PCDH15: variants seen among roughly 807,000 people sequenced by gnomAD.
PCDH15 encodes the protein protocadherin related 15.
In PCDH15, 129 loss-of-function variants were observed where a neutral mutation model predicts 178.5. That is an observed-to-expected ratio of 0.72 (90% CI 0.63 to 0.84). The LOEUF (loss-of-function observed/expected upper bound fraction) is 0.84. Among genes scored for constraint, PCDH15 ranks in the 40% least tolerant of loss-of-function variants. The pLI, the probability that PCDH15 is intolerant of heterozygous loss-of-function variation, is 0.00. For synonymous variants in PCDH15, 800 were observed against 732.0 expected (o/e 1.09, Z -1.50); for missense variants, 2,230 against 2,099.9 (o/e 1.06, Z -1.21).
At chr10:54,815,138 A>T (rs901310706) in intron 3 of PCDH15, among the ~76,000 whole-genome samples, 1 of 141,376 alleles carries the variant, frequency 7.1e-6, no homozygotes, top group Non-Finnish European at 1.5e-5. Flanking sequence ...TTCAATAAAT[A>T]TGTTGGTTTT....
intron 3 of PCDH15, among the ~76,000 whole-genome samples, chr10:54,455,702 G>A (rs553485968): frequency 1.3e-5 from 2 of 152,228 alleles, no homozygotes; most frequent in African/African-American, 4.8e-5. Flanking sequence ...AAGCCAATAG[G>A]GAAAATGTCT....
intron 2 of PCDH15, among the ~76,000 whole-genome samples, chr10:55,593,782 A>T (rs1268582104): frequency 2.6e-5 from 4 of 151,792 alleles, no homozygotes; most frequent in Non-Finnish European, 5.9e-5. Context: ...GATTAAGAAA[A>T]TACTTTTCTA....
chr10:54,617,074 T>TC (rs2093185607), intron 2 of PCDH15, among the ~76,000 whole-genome samples: 1 of 151,814 alleles, frequency 6.6e-6, no homozygotes. Flanking sequence ...ATTTATTTTT[T>TC]TAAGTAGAGA....
intron 3 of PCDH15, among the ~76,000 whole-genome samples, chr10:54,382,942 G>A (rs377471927): frequency 4.5e-4 from 68 of 152,118 alleles, no homozygotes; most frequent in African/African-American, 1.4e-3. Context: ...AATCTTGGCC[G>A]CACACTATTA....
chr10:55,569,288 T>C (rs1842361624), intron 2 of PCDH15, among the ~76,000 whole-genome samples: 1 of 152,000 alleles, frequency 6.6e-6, no homozygotes, highest in East Asian at 1.9e-4. Flanking sequence ...TTCAAAAGTA[T>C]CAAACAAGAT....
chr10:54,227,593 G>A (rs1376907124), intron 9 of PCDH15, among the ~76,000 whole-genome samples: 1 of 152,164 alleles, frequency 6.6e-6, no homozygotes, highest in Non-Finnish European at 1.5e-5. Context: ...TTAACATACA[G>A]CTCCTCGTTA....
At chr10:54,228,167 T>G (rs2134271185) in intron 9 of PCDH15, among the ~76,000 whole-genome samples, 1 of 152,252 alleles carries the variant, frequency 6.6e-6, no homozygotes, top group Middle Eastern at 3.4e-3. Context: ...TTCACACAGC[T>G]GATAAAGACA....
In PCDH15 at chr10:54,369,254, T is replaced by C. The variant is rs1249665093; in HGVS notation, c.340A>G (p.Ile114Val). 1.2e-6 allele frequency: 2 copies of C among 1,612,744 alleles called. No homozygotes were observed. The highest frequency in any genetic ancestry group is 1.7e-4 in the Middle Eastern group (1 of 6,054). The change falls in exon 5 of 38, where the codon ATT becomes GTT. Residue 114 changes from isoleucine (I) to valine (V), a missense_variant. Transcript: ENST00000644397. ...TTGATGCACTGGACCTGCACCACAATGGAGTGTATGTTCATCGGTGGCTGC... is the reference window on the plus strand; with the variant it reads ...TTGATGCACTGGACCTGCACCACAACGGAGTGTATGTTCATCGGTGGCTGC... ...DRDPPMNIHS[I>V]VVQVQCINKK...
At chr10:54,697,020 A>ACTCCT (rs1286759013) in intron 1 of PCDH15, among the ~76,000 whole-genome samples, 1 of 152,020 alleles carries the variant, frequency 6.6e-6, no homozygotes, top group East Asian at 1.9e-4. Flanking sequence ...GGGATCAAGC[A>ACTCCT]CTCCTTGGCC....
At chr10:54,567,827 G>T (rs941756304) in intron 2 of PCDH15, among the ~76,000 whole-genome samples, 1 of 152,108 alleles carries the variant, frequency 6.6e-6, no homozygotes, top group Non-Finnish European at 1.5e-5. Flanking sequence ...TCCAGCAGAA[G>T]GTGAAGAAGT....
intron 2 of PCDH15, among the ~76,000 whole-genome samples, chr10:54,968,839 A>G (rs952608352): frequency 6.6e-6 from 1 of 152,028 alleles, no homozygotes; most frequent in Non-Finnish European, 1.5e-5. Flanking sequence ...CATTTCAGAT[A>G]GTTTTTATTG....
intron 1 of PCDH15, among the ~76,000 whole-genome samples, chr10:55,175,085 T>C (rs186887589): frequency 6.6e-6 from 1 of 151,916 alleles, no homozygotes; most frequent in African/African-American, 2.4e-5. Context: ...AAGAACCTTA[T>C]CCAATTGGAA....
At chr10:55,563,384 GA>G (rs1301043390) in intron 2 of PCDH15, among the ~76,000 whole-genome samples, 2 of 151,750 alleles carry the variant, frequency 1.3e-5, no homozygotes, top group African/African-American at 4.8e-5. Context: ...GTATCATCAA[GA>G]AATGGTGCAG....
At chr10:54,742,591 G>C (rs781165905) in intron 1 of PCDH15, among the ~76,000 whole-genome samples, 1 of 151,998 alleles carries the variant, frequency 6.6e-6, no homozygotes, top group Non-Finnish European at 1.5e-5. Context: ...AGAGACAATA[G>C]ATTTCCACTG....
At chr10:54,307,104 GTATATATATATA>G (rs1170885233) in intron 8 of PCDH15, among the ~76,000 whole-genome samples, 1,148 of 26,568 alleles carry the variant, frequency 0.043, 185 homozygotes, top group Admixed American at 0.17. Flanking sequence ...GTGTGTGTGT[GTATATATATATA>G]TATATATATA....
At chr10:55,073,014 G>T (rs942501292) in intron 2 of PCDH15, among the ~76,000 whole-genome samples, 53 of 152,212 alleles carry the variant, frequency 3.5e-4, no homozygotes, top group East Asian at 2.5e-3. Flanking sequence ...ATTATCTCAA[G>T]AGATGCAGAA....
At chr10:55,537,439 T>TATG (rs375430534) in intron 2 of PCDH15, among the ~76,000 whole-genome samples, 5,340 of 123,816 alleles carry the variant, frequency 0.043, 112 homozygotes, top group Middle Eastern at 0.1. Context: ...ATGTATGTAT[T>TATG]TATTTATTTA....
At chr10:54,206,056 C>T (rs1238024041) in intron 10 of PCDH15, among the ~76,000 whole-genome samples, 1 of 152,054 alleles carries the variant, frequency 6.6e-6, no homozygotes, top group Non-Finnish European at 1.5e-5. Context: ...ACACATTTCA[C>T]ACCTAGGGAA....
At chr10:55,576,398 A>G (rs1842497170) in intron 2 of PCDH15, among the ~76,000 whole-genome samples, 1 of 152,154 alleles carries the variant, frequency 6.6e-6, no homozygotes, top group Non-Finnish European at 1.5e-5. Context: ...TTTCTGTTTC[A>G]TGGGTGGCAG....
Sources: gnomAD v4.1 joint callset for allele counts (sites outside exome capture counted in the v4.1 genomes callset) on GRCh38, gnomAD v4.1.1 for gene constraint, MANE v1.5 for transcripts, NCBI Gene and HGNC (gene_info 2026-07-23, HGNC 2026-07-21) for gene names.